Variants in HTN3 observed in about 807,000 individuals in gnomAD.
HTN3 encodes histatin 3, also known as histatin-3.
HTN3 carries 15 observed loss-of-function variants against 10.6 expected under a neutral mutation model. The observed-to-expected ratio is 1.42, with a 90% CI of 0.95 to 2.18. The LOEUF (loss-of-function observed/expected upper bound fraction) is 2.18, where lower values mean the gene tolerates loss of function less well. Ranked by LOEUF, HTN3 falls within the 30% of genes most tolerant of loss-of-function variation. The pLI is 0.00. For synonymous variants in HTN3, 15 were observed against 16.9 expected, an observed-to-expected ratio of 0.89 and a Z score of 0.27; for missense variants, 68 against 58.0, an observed-to-expected ratio of 1.17 and a Z score of -0.56.
intron 5 of HTN3, among the ~76,000 whole-genome samples, chr4:70,033,724 G>C (rs1578174857): frequency 6.6e-6 from 1 of 152,244 alleles, no homozygotes; most frequent in Non-Finnish European, 1.5e-5. Context: ...TCATGAAATT[G>C]ATTCTTCTTA....
intron 2 of HTN3, 140 bp downstream of exon 2, chr4:70,030,931 A>G (rs1353527501): frequency 1.5e-6 from 1 of 675,454 alleles, no homozygotes. Context: ...TCCTTGAATT[A>G]ACCTATATAA....
intron 4 of HTN3, among the ~76,000 whole-genome samples, 181 bp downstream of exon 4, chr4:70,032,288 G>A (rs776561503): frequency 1.3e-5 from 2 of 151,946 alleles, no homozygotes; most frequent in Non-Finnish European, 2.9e-5. Flanking sequence ...TGTTCTAACA[G>A]CATTTCAACG....
intron 2 of HTN3, chr4:70,031,021 GA>G (rs199966914): frequency 0.017 from 6,216 of 373,212 alleles, 74 homozygotes; most frequent in East Asian, 0.036. Flanking sequence ...AAAAATAAAA[GA>G]AAATTAAGCA....
At chr4:70,029,245 G>A (rs986533643) in intron 1 of HTN3, among the ~76,000 whole-genome samples, 1 of 151,870 alleles carries the variant, frequency 6.6e-6, no homozygotes, top group Non-Finnish European at 1.5e-5. Context: ...CAACACAATT[G>A]ACAGTCACAA....
At chr4:70,030,593 C>T (rs139406298) in intron 1 of HTN3, 135 bp from the exon 2 acceptor site, 2 of 659,960 alleles carry the variant, frequency 3.0e-6, no homozygotes, top group East Asian at 2.8e-5. Flanking sequence ...GTGATCTGTG[C>T]TCATGCCCCT....
rs372962453 is a variant in HTN3, at chr4:70,030,806, A to T, written c.51+15A>T. ...TTTCCATGACTGTAAGTATATCTGG[A>T]AGTTTTAAAGGATACATTCTCAGTA... On this transcript the variant is annotated intron_variant, in intron 2 of 5. Transcript: ENST00000673563. 1.3e-5 allele frequency: 21 copies of T among 1,595,898 alleles called. No individual in the cohort carries two copies. Among genetic ancestry groups the T allele is most frequent in the Non-Finnish European group, 1.8e-5 (21 of 1,163,808 alleles).
intron 5 of HTN3, among the ~76,000 whole-genome samples, chr4:70,035,505 T>C (rs949929974): frequency 6.6e-6 from 1 of 152,200 alleles, no homozygotes; most frequent in Non-Finnish European, 1.5e-5. Flanking sequence ...AAATGTAATC[T>C]TTGGAGAAGC....
At chr4:70,031,246 AAGCTGCCTAT>A (rs1725376020) in intron 2 of HTN3, 1 of 157,718 alleles carries the variant, frequency 6.3e-6, no homozygotes, top group African/African-American at 2.4e-5. Context: ...TTCTAAAATA[AAGCTGCCTAT>A]TTTAAGCCAT....
At chr4:70,034,313 C>T (rs1725456801) in intron 5 of HTN3, 2 of 152,046 alleles carry the variant, frequency 1.3e-5, no homozygotes, top group African/African-American at 4.8e-5. Context: ...ACCCATCTGA[C>T]AAAGGTGTAG....
chr4:70,034,131 C>T (rs372362864), intron 5 of HTN3: 7 of 152,072 alleles, frequency 4.6e-5, no homozygotes, highest in Middle Eastern at 3.4e-3. Context: ...TGATATCATT[C>T]GGGACATAGG....
At chr4:70,034,260 G>A (rs1463409009) in intron 5 of HTN3, 3 of 152,262 alleles carry the variant, frequency 2.0e-5, no homozygotes, top group Middle Eastern at 3.4e-3. Flanking sequence ...TATCATCAGA[G>A]TGAACAGGTA....
chr4:70,033,714 T>C lies in HTN3; in HGVS notation c.*33+461T>C, dbSNP rs143661871. Among the ~76,000 whole-genome samples, 442 of 152,342 alleles carry C rather than the reference T, an allele frequency of 2.9e-3. 1 individual carries two copies. Among genetic ancestry groups the C allele is most frequent in the African/African-American group, 0.01 (427 of 41,584 alleles). ...ATTACTTTGGGCAGTAAGGCCATTT[T>C]CATGAAATTGATTCTTCTTATCCAT... On this transcript the variant is annotated intron_variant, in intron 5 of 5. Transcript: ENST00000673563.
chr4:70,028,709 C>T (rs1725300681), intron 1 of HTN3, among the ~76,000 whole-genome samples, 193 bp downstream of exon 1: 1 of 152,074 alleles, frequency 6.6e-6, no homozygotes, highest in Admixed American at 6.5e-5. Flanking sequence ...AATCATCATG[C>T]AAAGTAACTA....
intron 5 of HTN3, chr4:70,034,397 G>A (rs1031186208): frequency 6.6e-6 from 1 of 152,146 alleles, no homozygotes; most frequent in African/African-American, 2.4e-5. Context: ...GTGGACAAAG[G>A]ATATGAACAG....
intron 1 of HTN3, among the ~76,000 whole-genome samples, chr4:70,030,302 T>C (rs977331819): frequency 1.3e-5 from 2 of 152,190 alleles, no homozygotes; most frequent in African/African-American, 4.8e-5. Flanking sequence ...AGCATATTAA[T>C]AATTCCAAAT....
chr4:70,029,961 AC>A (rs992743910), intron 1 of HTN3, among the ~76,000 whole-genome samples: 19 of 152,122 alleles, frequency 1.2e-4, no homozygotes, highest in African/African-American at 4.6e-4. Context: ...ATATTCACTG[AC>A]TTTATTATAA....
rs548444525 is a variant in HTN3 at position 70,029,295 on chromosome 4, A to G, written c.-14+779A>G. 3.9e-5 allele frequency among the ~76,000 whole-genome samples: 6 copies of G among 152,160 alleles called. No individual in the cohort carries two copies. In the South Asian group the frequency reaches 1.2e-3, roughly 32 times the overall value. Reference sequence around the variant, plus strand: ...GTCTTTTTATATCATAAAAAGAGTCATAATTTGATTTATCTATTAGGTAAT... The same window carrying G: ...GTCTTTTTATATCATAAAAAGAGTCGTAATTTGATTTATCTATTAGGTAAT... On this transcript the variant is annotated intron_variant, in intron 1 of 5. Coordinates refer to ENST00000673563, the MANE Select transcript of HTN3 (RefSeq NM_000200.3).
At chr4:70,030,366 C>T (rs772011124) in intron 1 of HTN3, among the ~76,000 whole-genome samples, 14 of 152,102 alleles carry the variant, frequency 9.2e-5, no homozygotes, top group Non-Finnish European at 1.5e-4. Flanking sequence ...GGGCTCACAC[C>T]GAAGATCCAA....
chr4:70,030,600 C>G, intron 1 of HTN3, 128 bp from the exon 2 acceptor site: 1 of 684,154 alleles, frequency 1.5e-6, no homozygotes. Flanking sequence ...GTGCTCATGC[C>G]CCTGCACTCC....
Sources: gnomAD v4.1 joint callset for allele counts (sites outside exome capture counted in the v4.1 genomes callset) on GRCh38, gnomAD v4.1.1 for gene constraint, MANE v1.5 for transcripts, NCBI Gene and HGNC (gene_info 2026-07-23, HGNC 2026-07-21) for gene names.